The following POTEJ variants were observed in gnomAD, a reference collection of about 807,000 sequenced individuals.
POTEJ encodes the protein POTE ankyrin domain family member J, also known as POTE ankyrin domain family, member J.
A neutral mutation model predicts 69.0 loss-of-function variants in POTEJ; 11 were observed. The ratio of observed to expected loss-of-function variants is 0.16; its 90% confidence interval spans 0.10 to 0.26. The LOEUF (loss-of-function observed/expected upper bound fraction) is 0.26. POTEJ is among the 10% of genes least tolerant of loss of function. The pLI is 1.00. For synonymous variants in POTEJ, 117 were observed against 381.1 expected (o/e 0.31, Z 8.07); for missense variants, 327 against 1,045.5 (o/e 0.31, Z 9.48).
chr2:130,655,371 TA>T (rs1478578259), intron 14 of POTEJ, among the ~76,000 whole-genome samples: 3 of 152,206 alleles, frequency 2.0e-5, no homozygotes, highest in South Asian at 4.1e-4. Context: ...ATTAGTTTTT[TA>T]AAAAATGTTA....
chr2:130,640,944 T>A (rs1465045426), intron 10 of POTEJ, among the ~76,000 whole-genome samples: 1 of 152,018 alleles, frequency 6.6e-6, no homozygotes, highest in Non-Finnish European at 1.5e-5. Context: ...GTCACAAGAT[T>A]AAATTTGAGT....
At chr2:130,613,409 T>C (rs1226033788) in intron 1 of POTEJ, among the ~76,000 whole-genome samples, 11 of 143,604 alleles carry the variant, frequency 7.7e-5, no homozygotes, top group South Asian at 2.1e-4. Context: ...TATATATATA[T>C]ACTTTTTTTT....
intron 10 of POTEJ, among the ~76,000 whole-genome samples, chr2:130,639,212 G>T (rs1378010344): frequency 3.3e-5 from 5 of 152,304 alleles, no homozygotes; most frequent in African/African-American, 1.2e-4. Context: ...ACCGTGGACT[G>T]GTACCAGTCT....
At chr2:130,619,762 A>G (rs1179095762) in intron 3 of POTEJ, among the ~76,000 whole-genome samples, 2 of 149,154 alleles carry the variant, frequency 1.3e-5, no homozygotes, top group Non-Finnish European at 3.0e-5. Context: ...TCATCCAATA[A>G]CACCATGCCA....
At chr2:130,633,041 G>A (rs1264256333) in intron 9 of POTEJ, among the ~76,000 whole-genome samples, 1 of 145,600 alleles carries the variant, frequency 6.9e-6, no homozygotes, top group Non-Finnish European at 1.5e-5. Context: ...TCCCTCCCGC[G>A]ACGCTCCACC....
At chr2:130,618,702 A>C (rs1685452164) in intron 3 of POTEJ, among the ~76,000 whole-genome samples, 2 of 131,608 alleles carry the variant, frequency 1.5e-5, no homozygotes, top group African/African-American at 6.4e-5. Flanking sequence ...TCAGAAACTT[A>C]AGGTATCTCT....
chr2:130,650,060 C>G (rs1297509639), intron 13 of POTEJ, among the ~76,000 whole-genome samples: 2 of 152,272 alleles, frequency 1.3e-5, no homozygotes, highest in African/African-American at 4.8e-5. Context: ...ATTGTATCAT[C>G]AGGACACGTC....
In POTEJ at chr2:130,657,453, C is replaced by T; in HGVS notation, c.2693C>T (p.Ser898Phe). 3 of 1,593,600 alleles carry T rather than the reference C, an allele frequency of 1.9e-6. No individual in the cohort carries two copies. Among genetic ancestry groups the T allele is most frequent in the Non-Finnish European group, 1.7e-6 (2 of 1,166,774 alleles). Residue 898 changes from serine (S) to phenylalanine (F), a missense_variant, in exon 15 of 15, where the codon TCC (serine) becomes TTC (phenylalanine). Transcript: ENST00000409602. The stretch of plus-strand genomic sequence containing the variant: ...ATGGCCATGGTGGCCTCCAGCTCCT[C>T]CCTAGAGAAGAGCTACGAGCTGCCC... ...QEMAMVASSS[S>F]LEKSYELPDG...
At chr2:130,629,130 G>A (rs1340996741) in intron 6 of POTEJ, among the ~76,000 whole-genome samples, 1 of 151,906 alleles carries the variant, frequency 6.6e-6, no homozygotes, top group African/African-American at 2.4e-5. Flanking sequence ...AGTAATTTTT[G>A]AAATCATTTG....
intron 9 of POTEJ, among the ~76,000 whole-genome samples, 186 bp downstream of exon 9, chr2:130,632,842 A>T (rs1257378557): frequency 2.8e-5 from 4 of 144,488 alleles, no homozygotes; most frequent in Non-Finnish European, 6.1e-5. Flanking sequence ...TTTATTTGAA[A>T]AATAACCAGT....
intron 13 of POTEJ, among the ~76,000 whole-genome samples, chr2:130,646,950 A>C (rs1471248213): frequency 6.7e-6 from 1 of 148,798 alleles, no homozygotes; most frequent in African/African-American, 2.6e-5. Context: ...ATTCACACAC[A>C]CATATATAAC....
At chr2:130,615,784 A>G (rs1281555876) in intron 1 of POTEJ, among the ~76,000 whole-genome samples, 3 of 148,838 alleles carry the variant, frequency 2.0e-5, no homozygotes, top group Non-Finnish European at 4.5e-5. Flanking sequence ...AAGCTCCACA[A>G]ATAGTTTCAT....
chr2:130,622,967 G>A (rs1370532234), intron 5 of POTEJ: 2 of 144,392 alleles, frequency 1.4e-5, no homozygotes, highest in East Asian at 1.9e-4. Context: ...AAGGTCATTT[G>A]ACTATTTGCT....
chr2:130,618,374 A>G (rs1685440157), intron 3 of POTEJ, among the ~76,000 whole-genome samples: 1 of 151,870 alleles, frequency 6.6e-6, no homozygotes, highest in African/African-American at 2.4e-5. Context: ...TTAAATAATC[A>G]ACAAGTCTAG....
chr2:130,656,585 C>T lies in POTEJ; in HGVS notation c.1825C>T (p.His609Tyr). 1 of 1,608,838 alleles carries T rather than the reference C, an allele frequency of 6.2e-7. No homozygotes were observed. Among genetic ancestry groups the T allele is most frequent in the Non-Finnish European group, 8.5e-7 (1 of 1,179,772 alleles). Residue 609 changes from histidine (H) to tyrosine (Y), a missense_variant, in exon 15 of 15, where the codon CAT becomes TAT. Physicochemically the swap from His to Tyr is moderately conservative, Grantham distance 83 (BLOSUM62 2). Coordinates refer to ENST00000409602, the MANE Select transcript of POTEJ (RefSeq NM_001277083.2). ...LSCKKERDFL[H>Y]ENSMLREEIA... Reference sequence around the variant, plus strand: ...TTGTAAGAAAGAAAGAGACTTCTTGCATGAAAATAGTATGTTGCGGGAAGA... The same window carrying T: ...TTGTAAGAAAGAAAGAGACTTCTTGTATGAAAATAGTATGTTGCGGGAAGA...
intron 3 of POTEJ, among the ~76,000 whole-genome samples, chr2:130,618,804 TGGG>T (rs1451308834): frequency 9.5e-6 from 1 of 104,824 alleles, no homozygotes. Context: ...TTTTTTGAGA[TGGG>T]GTCTCACTCT....
chr2:130,641,419 C>A (rs1426737826), intron 10 of POTEJ, among the ~76,000 whole-genome samples: 1 of 146,228 alleles, frequency 6.8e-6, no homozygotes, highest in Non-Finnish European at 1.5e-5. Flanking sequence ...AATTTTTTTC[C>A]TGTAAGAAAT....
At chr2:130,648,823 C>A in intron 13 of POTEJ, among the ~76,000 whole-genome samples, 1 of 49,466 alleles carries the variant, frequency 2.0e-5, no homozygotes, top group Non-Finnish European at 3.1e-5. Flanking sequence ...GACAGAGTCT[C>A]GCTTTGTCCC....
At chr2:130,646,461 CA>C (rs1686582637) in intron 13 of POTEJ, among the ~76,000 whole-genome samples, 151 bp downstream of exon 13, 1 of 131,970 alleles carries the variant, frequency 7.6e-6, no homozygotes, top group Admixed American at 7.4e-5. Flanking sequence ...AGCAAACAAT[CA>C]GTTACCGTTT....
Sources: allele counts gnomAD v4.1 joint callset (sites outside exome capture counted in the v4.1 genomes callset), GRCh38; gene constraint gnomAD v4.1.1; transcripts MANE v1.5; gene names NCBI Gene and HGNC (gene_info 2026-07-23, HGNC 2026-07-21).